Variants in PRKN observed in about 807,000 individuals in gnomAD.
PRKN encodes parkin RBR E3 ubiquitin protein ligase, also known as E3 ubiquitin-protein ligase parkin.
PRKN carries 56 observed loss-of-function variants against 59.5 expected under a neutral mutation model. The observed-to-expected ratio is 0.94, with a 90% CI of 0.76 to 1.18. The LOEUF is 1.18. PRKN is among the 50% of genes most tolerant of loss of function. The pLI is 0.00. For synonymous variants in PRKN, 250 were observed against 222.1 expected, an observed-to-expected ratio of 1.13 and a Z score of -1.12; for missense variants, 657 against 596.4, an observed-to-expected ratio of 1.10 and a Z score of -1.06.
At chr6:161,934,066 A>G (rs1245069473) in intron 6 of PRKN, among the ~76,000 whole-genome samples, 1 of 152,208 alleles carries the variant, frequency 6.6e-6, no homozygotes, top group Non-Finnish European at 1.5e-5. Flanking sequence ...TCCCCAGGTA[A>G]CGAGAGAGAC....
intron 9 of PRKN, among the ~76,000 whole-genome samples, chr6:161,430,053 A>T (rs930067294): frequency 2.6e-5 from 4 of 152,182 alleles, no homozygotes; most frequent in Non-Finnish European, 2.9e-5. Flanking sequence ...TGGCAGCTGC[A>T]CATGGCATGG....
At chr6:161,852,595 AT>A (rs1793485257) in intron 6 of PRKN, among the ~76,000 whole-genome samples, 1 of 152,208 alleles carries the variant, frequency 6.6e-6, no homozygotes, top group Non-Finnish European at 1.5e-5. Flanking sequence ...CTTGATAAGA[AT>A]TTGCAACAAG....
At chr6:161,542,267 C>T (rs1281234152) in intron 9 of PRKN, among the ~76,000 whole-genome samples, 1 of 152,196 alleles carries the variant, frequency 6.6e-6, no homozygotes, top group Non-Finnish European at 1.5e-5. Flanking sequence ...GGCTTCCCGT[C>T]AACAGTGGAT....
chr6:162,365,718 A>G (rs879256922), intron 2 of PRKN, among the ~76,000 whole-genome samples: 35 of 151,996 alleles, frequency 2.3e-4, no homozygotes, highest in Admixed American at 5.9e-4. Context: ...GTTCTACACA[A>G]TCTAATTTAT....
chr6:162,493,803 G>A lies in PRKN; in HGVS notation c.8-50330C>T, dbSNP rs144868205. Among the ~76,000 whole-genome samples, 132 of 152,216 alleles carry A rather than the reference G, an allele frequency of 8.7e-4. 2 individuals carry two copies. In the South Asian group the frequency reaches 0.012, roughly 14 times the overall value. ...ACTGATAACCCCACACCATCTCAACGAAGCTAAATAAAGATGGAGAAGAAG... is the reference window on the plus strand; with the variant it reads ...ACTGATAACCCCACACCATCTCAACAAAGCTAAATAAAGATGGAGAAGAAG... On this transcript the variant is annotated intron_variant, in intron 1 of 11. Coordinates refer to ENST00000366898, the MANE Select transcript of PRKN (RefSeq NM_004562.3).
chr6:162,242,136 C>T (rs1779013589), intron 3 of PRKN, among the ~76,000 whole-genome samples: 1 of 152,056 alleles, frequency 6.6e-6, no homozygotes, highest in South Asian at 2.1e-4. Flanking sequence ...CAAATTACCA[C>T]CAAGTTTTAC....
chr6:162,644,019 G>A (rs1357026482), intron 1 of PRKN: 1 of 152,104 alleles, frequency 6.6e-6, no homozygotes, highest in Non-Finnish European at 1.5e-5. Flanking sequence ...CAGCAGCTTT[G>A]GGGCCAAGCA....
At chr6:162,205,192 G>A (rs1011060060) in intron 3 of PRKN, among the ~76,000 whole-genome samples, 6 of 151,980 alleles carry the variant, frequency 3.9e-5, no homozygotes, top group South Asian at 4.2e-4. Context: ...TTTCTCTCAC[G>A]CTTTGCCTAA....
chr6:162,252,225 G>A (rs1779463829), intron 3 of PRKN, among the ~76,000 whole-genome samples: 1 of 152,186 alleles, frequency 6.6e-6, no homozygotes, highest in South Asian at 2.1e-4. Flanking sequence ...AGGAAGCTGT[G>A]ATTCAAACAT....
intron 7 of PRKN, among the ~76,000 whole-genome samples, chr6:161,779,974 C>A (rs1790135664): frequency 6.6e-6 from 1 of 152,158 alleles, no homozygotes; most frequent in South Asian, 2.1e-4. Flanking sequence ...CAGACATAGA[C>A]ACAAACACAA....
At chr6:161,758,564 C>T (rs571909009) in intron 7 of PRKN, among the ~76,000 whole-genome samples, 1 of 152,222 alleles carries the variant, frequency 6.6e-6, no homozygotes, top group South Asian at 2.1e-4. Context: ...TGGGAGGGGT[C>T]AATGGCTATG....
In PRKN at chr6:162,669,575, T is replaced by A. The variant is rs537339862; in HGVS notation, c.7+58087A>T. 2.0e-5 allele frequency among the ~76,000 whole-genome samples: 3 copies of A among 152,280 alleles called. No homozygotes were observed. In the East Asian group the frequency reaches 5.8e-4, roughly 29 times the overall value. On this transcript the variant is annotated intron_variant, in intron 1 of 11. Transcript: ENST00000366898. The stretch of plus-strand genomic sequence containing the variant: ...TGCCATGACAAGCCTCATACACAGT[T>A]TCCACTTTTATGTATACCAGTGACT...
intron 3 of PRKN, among the ~76,000 whole-genome samples, chr6:162,255,019 C>T (rs993778991): frequency 3.3e-5 from 5 of 151,100 alleles, no homozygotes; most frequent in Non-Finnish European, 7.4e-5. Context: ...TAATTTAGCT[C>T]CAAATGTGTG....
At chr6:161,374,376 G>A (rs1424630010) in intron 10 of PRKN, among the ~76,000 whole-genome samples, 9 of 150,062 alleles carry the variant, frequency 6.0e-5, no homozygotes, top group African/African-American at 2.2e-4. Flanking sequence ...TGTTGTGTAT[G>A]TGTGGTGTAT....
At position 162,690,106 on chromosome 6, in the gene PRKN, A is replaced by ACTCCATTATTTAGAATGTG. The variant is rs796428294; in HGVS notation, c.7+37555_7+37556insCACATTCTAAATAATGGAG. Among the ~76,000 whole-genome samples, 16 of 152,374 alleles carry ACTCCATTATTTAGAATGTG rather than the reference A, an allele frequency of 1.1e-4. No homozygotes were observed. The South Asian group carries it at 3.1e-3, about 30-fold the overall frequency. On this transcript the variant is annotated intron_variant, in intron 1 of 11. Transcript: ENST00000366898. ...GAATGTACTCCATTATTTAGAATGT[A>ACTCCATTATTTAGAATGTG]CTCCATTATTTAGAATGTACTCGAA...
rs149285265 is a variant in PRKN at position 161,568,565 on chromosome 6, C to T, written c.933+790G>A. On this transcript the variant is annotated intron_variant, in intron 8 of 11. Transcript: ENST00000366898. ...CTGAGATCATGCCACTGCACTCCAG[C>T]CTGGGCGACAGAGCAAGACTCCTTC... 2.8e-3 allele frequency among the ~76,000 whole-genome samples: 426 copies of T among 151,508 alleles called. 11 individuals carry two copies. In the East Asian group the frequency reaches 0.059, roughly 21 times the overall value.
At position 162,265,483 on chromosome 6, in the gene PRKN, G is replaced by C. The variant is rs565153047; in HGVS notation, c.172-2718C>G. 2.3e-4 allele frequency among the ~76,000 whole-genome samples: 35 copies of C among 152,208 alleles called. No individual in the cohort carries two copies. The Middle Eastern group carries it at 0.01, about 44-fold the overall frequency. ...GGGTGGGCGGATCACTTGAGGTCAGGAGTTCAAGGCCAGCCTGGCCAACAC... is the reference window on the plus strand; with the variant it reads ...GGGTGGGCGGATCACTTGAGGTCAGCAGTTCAAGGCCAGCCTGGCCAACAC... On this transcript the variant is annotated intron_variant, in intron 2 of 11. Transcript: ENST00000366898.
At chr6:161,725,819 T>C (rs374647420) in intron 7 of PRKN, among the ~76,000 whole-genome samples, 95 of 152,344 alleles carry the variant, frequency 6.2e-4, no homozygotes, top group African/African-American at 2.1e-3. Flanking sequence ...CCCAGTACCA[T>C]GCCTGGCACA....
intron 1 of PRKN, among the ~76,000 whole-genome samples, chr6:162,542,838 A>C (rs1367256765): frequency 6.6e-6 from 1 of 152,088 alleles, no homozygotes; most frequent in East Asian, 1.9e-4. Flanking sequence ...CAAACCCCCA[A>C]CAGAGGGTAG....
Sources: gnomAD v4.1 joint callset for allele counts (sites outside exome capture counted in the v4.1 genomes callset) on GRCh38, gnomAD v4.1.1 for gene constraint, MANE v1.5 for transcripts, NCBI Gene and HGNC (gene_info 2026-07-23, HGNC 2026-07-21) for gene names.